The following NR1I2 variants were observed in gnomAD, a reference collection of about 807,000 sequenced individuals.
NR1I2 encodes the protein orphan nuclear receptor PAR1.
A neutral mutation model predicts 43.3 loss-of-function variants in NR1I2; 42 were observed. The observed-to-expected ratio is 0.97, with a 90% CI of 0.76 to 1.26. The LOEUF is 1.26. NR1I2 is among the 50% of genes most tolerant of loss of function. NR1I2 has a pLI of 0.00. For missense variants in NR1I2, 559 were observed against 566.7 expected, an observed-to-expected ratio of 0.99 and a Z score of 0.14; for synonymous variants, 229 against 215.0, an observed-to-expected ratio of 1.06 and a Z score of -0.57.
At chr3:119,790,995 C>T (rs548166360) in intron 1 of NR1I2, among the ~76,000 whole-genome samples, 1 of 152,268 alleles carries the variant, frequency 6.6e-6, no homozygotes, top group Non-Finnish European at 1.5e-5. Context: ...TTTAAGTCTC[C>T]ACCTCAGGGT....
At chr3:119,792,462 C>A in intron 1 of NR1I2, 1 of 1,130,106 alleles carries the variant, frequency 8.8e-7, no homozygotes, top group Non-Finnish European at 1.3e-6. Context: ...AAGCTGGAAG[C>A]TGCAGAGGAC....
chr3:119,784,964 A>T (rs188335366), intron 1 of NR1I2, among the ~76,000 whole-genome samples: 8 of 152,334 alleles, frequency 5.3e-5, no homozygotes, highest in Admixed American at 1.3e-4. Flanking sequence ...TAGTTATAAA[A>T]GCTTATCAGT....
chr3:119,817,419 G>T lies in NR1I2; in HGVS notation c.*207G>T, dbSNP rs180955933. ...CCACCCCCAGTTCAGTCTGTAGGGA[G>T]TGAAGCCACAGACTCTTACGTGGAG... On this transcript the variant is annotated 3_prime_UTR_variant, in exon 9 of 9. Transcript: ENST00000393716. The T allele has an allele frequency of 3.2e-4, 467 of 1,439,878 alleles. 2 individuals are homozygous for T. The African/African-American group carries it at 6.0e-3, about 18-fold the overall frequency. The allele number at this position is 1,439,878 out of a possible 1,614,324, so 89.2% of individuals were successfully genotyped here.
chr3:119,812,126 G>A (rs1234662420), intron 4 of NR1I2, among the ~76,000 whole-genome samples: 1 of 151,796 alleles, frequency 6.6e-6, no homozygotes, highest in African/African-American at 2.4e-5. Context: ...CAGTGTTGCT[G>A]GCATTCGGGG....
rs149556818 is a variant in NR1I2, at chr3:119,788,867, T to C, written c.-23+6567T>C. Among the ~76,000 whole-genome samples, 668 of 152,346 alleles carry C rather than the reference T, an allele frequency of 4.4e-3. 5 individuals are homozygous for C. The highest frequency in any genetic ancestry group is 0.015 in the African/African-American group (642 of 41,576). On this transcript the variant is annotated intron_variant, in intron 1 of 8. Transcript: ENST00000393716. ...ATCATCTTCTCCATGCCAGTCTGTT[T>C]GTGTACTGCCAATTTTCTGTCTGGT...
At chr3:119,794,086 C>A (rs1355064647) in intron 1 of NR1I2, among the ~76,000 whole-genome samples, 2 of 152,170 alleles carry the variant, frequency 1.3e-5, no homozygotes, top group Non-Finnish European at 2.9e-5. Flanking sequence ...CCTAGCTCAC[C>A]ACAGCCTTGA....
chr3:119,811,632 G>A lies in NR1I2; in HGVS notation c.425G>A (p.Gly142Glu). The A allele has an allele frequency of 2.5e-6, 4 of 1,613,998 alleles. No individual in the cohort carries two copies. The highest frequency in any genetic ancestry group is 1.1e-5 in the South Asian group (1 of 91,034). Residue 142 changes from glycine (G) to glutamate (E), a missense_variant, in exon 4 of 9, where the codon GGG becomes GAG. Physicochemically the swap from Gly to Glu is moderately conservative, Grantham distance 98. Transcript: ENST00000393716. ...GGGACTCAGCCACTGGGAGTGCAGGGGCTGACAGAGGAGCAGCGGATGATG... is the reference window on the plus strand; with the variant it reads ...GGGACTCAGCCACTGGGAGTGCAGGAGCTGACAGAGGAGCAGCGGATGATG...
chr3:119,786,114 C>A (rs1180824518), intron 1 of NR1I2, among the ~76,000 whole-genome samples: 3 of 152,120 alleles, frequency 2.0e-5, no homozygotes, highest in Non-Finnish European at 4.4e-5. Flanking sequence ...AGAGATGATC[C>A]AATAGCCACT....
Position 119,810,161 on chromosome 3 carries a change from C to A in NR1I2, c.298C>A (p.Arg100Ser). 1 of 1,612,316 alleles carries A rather than the reference C, an allele frequency of 6.2e-7. No homozygotes were observed. Among genetic ancestry groups the A allele is most frequent in the Non-Finnish European group, 8.5e-7 (1 of 1,179,456 alleles). Residue 100 changes from arginine to serine, a missense_variant, in exon 3 of 9, where the codon CGC (arginine) becomes AGC (serine). By Grantham distance (110) the Arg-to-Ser change is moderately radical (BLOSUM62 -1). Transcript: ENST00000393716. ...GCGACAGTGCCAGGCCTGCCGCCTG[C>A]GCAAGTGCCTGGAGAGCGGCATGAA...
chr3:119,783,416 A>C (rs941815091), intron 1 of NR1I2, among the ~76,000 whole-genome samples: 12 of 151,914 alleles, frequency 7.9e-5, no homozygotes, highest in Non-Finnish European at 1.6e-4. Flanking sequence ...GGAGAGGAAT[A>C]GTGCCTGCTA....
intron 8 of NR1I2, among the ~76,000 whole-genome samples, 160 bp from the exon 9 acceptor site, chr3:119,816,908 A>T (rs542083791): frequency 6.6e-6 from 1 of 151,800 alleles, no homozygotes; most frequent in African/African-American, 2.4e-5. Context: ...TGCCTTTCTC[A>T]TCTACAGGGT....
At chr3:119,815,606 C>T in intron 7 of NR1I2, 120 bp from the exon 8 acceptor site, 1 of 1,053,596 alleles carries the variant, frequency 9.5e-7, no homozygotes, top group Non-Finnish European at 1.5e-6. Flanking sequence ...GGTCTTCCTT[C>T]ACTTCCCTGC....
Position 119,807,451 on chromosome 3 carries a change from G to A in NR1I2, c.197+4G>A, listed in dbSNP as rs1244028390. On this transcript the variant is annotated splice_donor_region_variant and intron_variant, in intron 2 of 8. Coordinates refer to ENST00000393716, the MANE Select transcript of NR1I2 (RefSeq NM_003889.4). ...AAGGATGCAAGGGCTTTTTCAGGTA[G>A]AGTTACCCATCAGCCTTCACCCACG... 1.2e-6 allele frequency: 2 copies of A among 1,612,748 alleles called. No individual in the cohort carries two copies. The highest frequency in any genetic ancestry group is 4.5e-5 in the East Asian group (2 of 44,878).
Position 119,810,181 on chromosome 3 carries a change from C to A in NR1I2, c.318C>A (p.Gly106=), listed in dbSNP as rs2055219327. The change falls in exon 3 of 9, where the codon GGC becomes GGA. Residue 106 remains glycine (G), a synonymous_variant. Transcript: ENST00000393716. ...GCCTGCGCAAGTGCCTGGAGAGCGG[C>A]ATGAAGAAGGAGAGTGAGCAGTGGG... 1 of 1,608,846 alleles carries A rather than the reference C, an allele frequency of 6.2e-7. No individual in the cohort carries two copies. Among genetic ancestry groups the A allele is most frequent in the South Asian group, 1.1e-5 (1 of 90,514 alleles).
chr3:119,792,397 C>T, intron 1 of NR1I2: 1 of 1,298,892 alleles, frequency 7.7e-7, no homozygotes, highest in Non-Finnish European at 1.1e-6. Context: ...CAGCAGGATG[C>T]AGAGAGGGCC....
intron 1 of NR1I2, chr3:119,792,650 T>C (rs2054937645): frequency 1.8e-6 from 1 of 552,720 alleles, no homozygotes; most frequent in African/African-American, 1.9e-5. Context: ...GAAATCACTG[T>C]GAAATTTCAT....
intron 4 of NR1I2, among the ~76,000 whole-genome samples, chr3:119,812,306 A>C (rs2055255343): frequency 6.6e-6 from 1 of 152,030 alleles, no homozygotes; most frequent in Non-Finnish European, 1.5e-5. Context: ...TAGCCCAGTG[A>C]CCTCAGATCT....
At chr3:119,815,882 G>A (rs917007834) in intron 8 of NR1I2, 51 bp downstream of exon 8, 2 of 1,472,166 alleles carry the variant, frequency 1.4e-6, no homozygotes, top group African/African-American at 2.8e-5. Flanking sequence ...AGGGAGCCGA[G>A]GTTCAGGGAA....
At chr3:119,799,133 G>A (rs559372762) in intron 1 of NR1I2, among the ~76,000 whole-genome samples, 2 of 152,266 alleles carry the variant, frequency 1.3e-5, no homozygotes, top group Admixed American at 6.5e-5. Context: ...TTCTTAAGTG[G>A]CTGCACCATT....
Sources: allele counts gnomAD v4.1 joint callset (sites outside exome capture counted in the v4.1 genomes callset), GRCh38; gene constraint gnomAD v4.1.1; transcripts MANE v1.5; gene names NCBI Gene and HGNC (gene_info 2026-07-23, HGNC 2026-07-21).